Variants in SCP2 observed in about 807,000 individuals in gnomAD.
SCP2 encodes sterol carrier protein 2.
Under a neutral mutation model 71.4 loss-of-function variants are expected in SCP2, and 48 were observed. The ratio of observed to expected loss-of-function variants is 0.67; its 90% confidence interval spans 0.53 to 0.86. The LOEUF is 0.86. Ranked by LOEUF, SCP2 falls within the 40% of genes least tolerant of loss-of-function variation. SCP2 has a pLI of 0.00. For missense variants in SCP2, 560 were observed against 655.6 expected (o/e 0.85, Z 1.59); for synonymous variants, 220 against 218.1 (o/e 1.01, Z -0.08).
rs945425012 is a variant in SCP2, at chr1:53,022,769, G to A, written c.1236-5200G>A. ...AGGAATCAAGGTTCTAGCTGAGTGC[G>A]GTGCTTCTGTTTTCCTGGCTACTCT... On this transcript the variant is annotated intron_variant, in intron 12 of 15. Transcript: ENST00000371514. Among the ~76,000 whole-genome samples the A allele has an allele frequency of 4.6e-5, 7 of 152,104 alleles. No homozygotes were observed. The East Asian group carries it at 9.6e-4, about 21-fold the overall frequency.
At chr1:52,948,103 T>C (rs1375460733) in intron 3 of SCP2, 23 bp downstream of exon 3, 2 of 1,521,810 alleles carry the variant, frequency 1.3e-6, no homozygotes, top group Non-Finnish European at 1.8e-6. Flanking sequence ...CTGTGTATTC[T>C]AAAATTTTTT....
chr1:52,957,863 G>A (rs748387786), intron 5 of SCP2, among the ~76,000 whole-genome samples: 1 of 152,150 alleles, frequency 6.6e-6, no homozygotes, highest in Non-Finnish European at 1.5e-5. Context: ...TCATGTGGAT[G>A]TCCAGTTGTC....
chr1:53,050,766 T>C lies in SCP2; in HGVS notation c.*62T>C. On this transcript the variant is annotated 3_prime_UTR_variant, in exon 16 of 16. Transcript: ENST00000371514. ...GATATATAGATATATATCCATACAT[T>C]TTATTGTCAGAATTTAGACTGAAAC... is the stretch of plus-strand genomic sequence containing the variant. 3.5e-6 allele frequency: 4 copies of C among 1,140,132 alleles called. No individual in the cohort carries two copies. Among genetic ancestry groups the C allele is most frequent in the South Asian group, 1.2e-5 (1 of 80,622 alleles). The allele number at this position is 1,140,132 out of a possible 1,614,324, so 70.6% of individuals were successfully genotyped here. A position where few individuals can be genotyped will look rare whatever the true frequency, so the allele number is the denominator to read the frequency against.
chr1:52,940,638 T>A (rs1388409413), intron 1 of SCP2, among the ~76,000 whole-genome samples: 1 of 152,262 alleles, frequency 6.6e-6, no homozygotes, highest in Admixed American at 6.5e-5. Flanking sequence ...ATTAAATGAG[T>A]AAATACATGT....
At chr1:53,040,494 G>C (rs920098837) in intron 14 of SCP2, among the ~76,000 whole-genome samples, 1 of 152,058 alleles carries the variant, frequency 6.6e-6, no homozygotes, top group South Asian at 2.1e-4. Context: ...CACCTTCTCA[G>C]TGAGCCACTC....
chr1:53,005,071 T>C (rs556054975), intron 11 of SCP2, among the ~76,000 whole-genome samples: 8 of 152,190 alleles, frequency 5.3e-5, no homozygotes, highest in African/African-American at 1.9e-4. Context: ...CAGCGAGGCT[T>C]GGGGAGGGGC....
chr1:52,947,614 G>A (rs1477300506), intron 2 of SCP2, among the ~76,000 whole-genome samples: 1 of 152,142 alleles, frequency 6.6e-6, no homozygotes, highest in African/African-American at 2.4e-5. Context: ...TGTAAGATGA[G>A]CACATTAGTG....
intron 3 of SCP2, among the ~76,000 whole-genome samples, chr1:52,948,292 T>C (rs982705285): frequency 5.9e-5 from 9 of 152,246 alleles, no homozygotes; most frequent in Non-Finnish European, 1.2e-4. Context: ...TGTGTCAACC[T>C]AGTGTAATTT....
intron 11 of SCP2, among the ~76,000 whole-genome samples, chr1:52,998,358 G>C (rs1660077821): frequency 6.6e-6 from 1 of 152,232 alleles, no homozygotes; most frequent in Admixed American, 6.5e-5. Context: ...CACTTTGGGA[G>C]GCTGAGGTGG....
rs377026399 is a variant in SCP2, at chr1:53,037,051, C to T, written c.1339-1866C>T. Among the ~76,000 whole-genome samples the T allele has an allele frequency of 1.4e-4, 21 of 152,176 alleles. No homozygotes were observed. The East Asian group carries it at 2.9e-3, about 21-fold the overall frequency. On this transcript the variant is annotated intron_variant, in intron 13 of 15. Transcript: ENST00000371514. ...ACTCAGAAGGCTGAGGCAAGAGAATCGCTCGAACCCAGGAGGCAGAGGTTG... is the reference window on the plus strand; with the variant it reads ...ACTCAGAAGGCTGAGGCAAGAGAATTGCTCGAACCCAGGAGGCAGAGGTTG...
rs1660982392 is a variant in SCP2, at chr1:53,011,406, A to G, written c.1082-3484A>G. On this transcript the variant is annotated intron_variant, in intron 11 of 15. Transcript: ENST00000371514. ...ATCTTTGTTAGCACTTTGCATTTACATTACACTGTGAATCCTCTGTTATCT... is the reference window on the plus strand; with the variant it reads ...ATCTTTGTTAGCACTTTGCATTTACGTTACACTGTGAATCCTCTGTTATCT... Among the ~76,000 whole-genome samples the G allele has an allele frequency of 7.9e-5, 12 of 152,316 alleles. No individual in the cohort carries two copies. In the South Asian group the frequency reaches 1.9e-3, roughly 24 times the overall value.
chr1:53,023,497 C>T (rs78246083), intron 12 of SCP2, among the ~76,000 whole-genome samples: 7,528 of 152,178 alleles, frequency 0.049, 584 homozygotes, highest in African/African-American at 0.17. Flanking sequence ...AACTTCAGTT[C>T]CATTCAGTCA....
intron 13 of SCP2, among the ~76,000 whole-genome samples, chr1:53,028,869 G>A (rs904293973): frequency 2.0e-5 from 3 of 151,974 alleles, no homozygotes; most frequent in African/African-American, 4.8e-5. Flanking sequence ...TTCACCTCCC[G>A]GGTTCAAGTG....
At chr1:53,009,826 C>T (rs1442606077) in intron 11 of SCP2, among the ~76,000 whole-genome samples, 1 of 152,192 alleles carries the variant, frequency 6.6e-6, no homozygotes, top group Non-Finnish European at 1.5e-5. Context: ...AAACTACCAT[C>T]AGAGTACACA....
At chr1:52,983,525 C>T (rs769294039) in intron 10 of SCP2, among the ~76,000 whole-genome samples, 20 of 152,158 alleles carry the variant, frequency 1.3e-4, no homozygotes, top group Non-Finnish European at 2.8e-4. Flanking sequence ...TCTCTCTGTT[C>T]TTCACATTTG....
At chr1:53,014,809 T>TAAAA in intron 11 of SCP2, 81 bp from the exon 12 acceptor site, 1 of 1,519,552 alleles carries the variant, frequency 6.6e-7, no homozygotes, top group Non-Finnish European at 9.0e-7. Flanking sequence ...TCAAATGCTT[T>TAAAA]AATTTAAAGT....
At chr1:52,972,386 A>G (rs181830613) in intron 6 of SCP2, among the ~76,000 whole-genome samples, 38 of 152,356 alleles carry the variant, frequency 2.5e-4, no homozygotes, top group Admixed American at 2.1e-3. Context: ...AATATTTTTC[A>G]AGGGGATGCT....
intron 5 of SCP2, among the ~76,000 whole-genome samples, chr1:52,961,144 C>T (rs143330445): frequency 0.018 from 2,552 of 144,300 alleles, 72 homozygotes; most frequent in African/African-American, 0.064. Flanking sequence ...TTGTTACATA[C>T]GTATGCATGT....
At chr1:52,952,758 C>T (rs987595399) in intron 4 of SCP2, among the ~76,000 whole-genome samples, 6 of 152,130 alleles carry the variant, frequency 3.9e-5, no homozygotes, top group African/African-American at 1.4e-4. Flanking sequence ...CAGAGCAAGA[C>T]ACTGTCTTTT....
Sources: allele counts gnomAD v4.1 joint callset (sites outside exome capture counted in the v4.1 genomes callset), GRCh38; gene constraint gnomAD v4.1.1; transcripts MANE v1.5; gene names NCBI Gene and HGNC (gene_info 2026-07-23, HGNC 2026-07-21).